Variants in BNC2 observed in about 807,000 individuals in gnomAD.
BNC2 encodes the protein basonuclin zinc finger protein 2.
Under a neutral mutation model 76.3 loss-of-function variants are expected in BNC2, and 20 were observed. That is an observed-to-expected ratio of 0.26 (90% confidence interval 0.18 to 0.38). BNC2 has a LOEUF of 0.38. Ranked by LOEUF, BNC2 falls within the 10% of genes least tolerant of loss-of-function variation. The pLI is 1.00. For missense variants in BNC2, 1,382 were observed against 1,399.8 expected (o/e 0.99, Z 0.20); for synonymous variants, 582 against 514.8 (o/e 1.13, Z -1.77).
At chr9:16,496,400 C>T in intron 5 of BNC2, among the ~76,000 whole-genome samples, 1 of 152,114 alleles carries the variant, frequency 6.6e-6, no homozygotes. Context: ...TTCTTTAGAA[C>T]TAGGATTGGA....
At chr9:16,779,060 C>T (rs1303014668) in intron 1 of BNC2, among the ~76,000 whole-genome samples, 1 of 142,096 alleles carries the variant, frequency 7.0e-6, no homozygotes, top group Non-Finnish European at 1.5e-5. Context: ...TGGTTGATTG[C>T]TTGCGGTCAG....
At position 16,796,585 on chromosome 9, in the gene BNC2, A is replaced by G. The variant is rs538008269; in HGVS notation, c.4-58100T>C. The stretch of plus-strand genomic sequence containing the variant: ...AGACTCCGTCTCAAAAAAAAAAGAA[A>G]GAAAAGGAAAGGAAGGGAAGGGAAG... On this transcript the variant is annotated intron_variant, in intron 1 of 6. Coordinates refer to ENST00000380672, the MANE Select transcript of BNC2 (RefSeq NM_017637.6). Among the ~76,000 whole-genome samples the G allele has an allele frequency of 6.9e-3, 1,054 of 151,702 alleles. 17 individuals are homozygous for G. The highest frequency in any genetic ancestry group is 0.024 in the African/African-American group (974 of 41,270).
At chr9:16,546,729 A>T (rs778849969) in intron 5 of BNC2, among the ~76,000 whole-genome samples, 3 of 152,218 alleles carry the variant, frequency 2.0e-5, no homozygotes, top group African/African-American at 4.8e-5. Context: ...CGAGATCTTA[A>T]GTTAGTCTGT....
chr9:16,606,774 T>C (rs1820398613), intron 3 of BNC2, among the ~76,000 whole-genome samples: 1 of 152,128 alleles, frequency 6.6e-6, no homozygotes, highest in South Asian at 2.1e-4. Flanking sequence ...GCCAGGCTGG[T>C]CTCAAACACC....
intron 4 of BNC2, chr9:16,575,159 C>T (rs957016579): frequency 9.1e-6 from 5 of 547,124 alleles, no homozygotes; most frequent in Non-Finnish European, 1.2e-5. Context: ...AGAGATTATA[C>T]AACTTGGCAA....
At chr9:16,678,267 C>CTTTTTCTTTTTTT (rs1822714767) in intron 3 of BNC2, among the ~76,000 whole-genome samples, 4 of 80,720 alleles carry the variant, frequency 5.0e-5, no homozygotes, top group African/African-American at 2.3e-4. Flanking sequence ...CTTTCTTTTT[C>CTTTTTCTTTTTTT]TTTTTTTTTT....
At chr9:16,482,022 T>G (rs1446643108) in intron 5 of BNC2, among the ~76,000 whole-genome samples, 1 of 152,206 alleles carries the variant, frequency 6.6e-6, no homozygotes, top group Non-Finnish European at 1.5e-5. Context: ...CAATAAATGT[T>G]AGCTACAAAC....
chr9:16,733,661 T>C (rs1411430), intron 2 of BNC2, among the ~76,000 whole-genome samples: 70,926 of 152,006 alleles, frequency 0.47, 20,127 homozygotes, highest in East Asian at 0.89. Context: ...GAGTAGCTTG[T>C]AAGATAAAGT....
chr9:16,547,803 G>A (rs1818533654), intron 5 of BNC2, among the ~76,000 whole-genome samples: 1 of 152,166 alleles, frequency 6.6e-6, no homozygotes, highest in Admixed American at 6.5e-5. Flanking sequence ...TTGAAGGGAA[G>A]AGGTTATGAA....
Position 16,619,151 on chromosome 9 carries a change from AG to A in BNC2, c.331-36067del, listed in dbSNP as rs777052683. Among the ~76,000 whole-genome samples the A allele has an allele frequency of 5.3e-5, 8 of 152,284 alleles. 1 individual carries two copies. Among genetic ancestry groups the A allele is most frequent in the African/African-American group, 1.2e-4 (5 of 41,560 alleles). On this transcript the variant is annotated intron_variant, in intron 3 of 6. Transcript: ENST00000380672. ...GAAAATTATAAAAATTCCAAGGAAG[AG>A]GTGACTCTGTTCAGGAGGAAAAGGG...
At chr9:16,823,647 A>T (rs1191677972) in intron 1 of BNC2, among the ~76,000 whole-genome samples, 1 of 152,110 alleles carries the variant, frequency 6.6e-6, no homozygotes, top group Admixed American at 6.6e-5. Context: ...AACTTAACAA[A>T]AACAATTTAA....
At chr9:16,753,930 C>T (rs1825298608) in intron 1 of BNC2, among the ~76,000 whole-genome samples, 1 of 152,154 alleles carries the variant, frequency 6.6e-6, no homozygotes, top group Non-Finnish European at 1.5e-5. Context: ...TTACTGAGCG[C>T]TGTGAAGCCT....
chr9:16,414,083 CCCA>C lies in BNC2; in HGVS notation c.*4903_*4905del, dbSNP rs1820533178. The C allele has an allele frequency of 6.6e-6, 1 of 152,206 alleles. No homozygotes were observed. Among genetic ancestry groups the C allele is most frequent in the Non-Finnish European group, 1.5e-5 (1 of 68,092 alleles). 9.4% of individuals were successfully genotyped at this position (152,206 alleles called of 1,614,324 possible). A position where few individuals can be genotyped will look rare whatever the true frequency, so the allele number is the denominator to read the frequency against. ...AAAACAAAGCAAAAGCAACCAAAAC[CCCA>C]CAATTGTCGGCTCTTCCTGACCCCA... On this transcript the variant is annotated 3_prime_UTR_variant, in exon 7 of 7. Transcript: ENST00000380672.
In BNC2 at chr9:16,417,933, A is replaced by C. The variant is rs1170892204; in HGVS notation, c.*1056T>G. On this transcript the variant is annotated 3_prime_UTR_variant, in exon 7 of 7. Coordinates refer to ENST00000380672, the MANE Select transcript of BNC2 (RefSeq NM_017637.6). ...AAAAGCGGTTTTCTGGTGGCCAACA[A>C]ATTGGCCTGTGGTTATGTTGAGTGA... 6.6e-6 allele frequency: 1 copy of C among 152,638 alleles called. No homozygotes were observed. 9.5% of individuals were successfully genotyped at this position (152,638 alleles called of 1,614,324 possible).
Position 16,710,266 on chromosome 9 carries a change from A to G in BNC2, c.330+17531T>C, listed in dbSNP as rs141263186. Among the ~76,000 whole-genome samples, 267 of 152,350 alleles carry G rather than the reference A, an allele frequency of 1.8e-3. 1 individual carries two copies. Among genetic ancestry groups the G allele is most frequent in the Middle Eastern group, 0.017 (5 of 294 alleles). ...AACACCTTACAGAGATACTCAAGAC[A>G]GAAAACAAACATTCTTTCAGTCTTA... On this transcript the variant is annotated intron_variant, in intron 3 of 6. Coordinates refer to ENST00000380672, the MANE Select transcript of BNC2 (RefSeq NM_017637.6).
Position 16,757,351 on chromosome 9 carries a change from A to G in BNC2, c.4-18866T>C, listed in dbSNP as rs962638852. On this transcript the variant is annotated intron_variant, in intron 1 of 6. Coordinates refer to ENST00000380672, the MANE Select transcript of BNC2 (RefSeq NM_017637.6). ...AACTAAATAGGAAACGATTATCTGAAGAATCAGAACTCCCCATCACCACTA... is the reference window on the plus strand; with the variant it reads ...AACTAAATAGGAAACGATTATCTGAGGAATCAGAACTCCCCATCACCACTA... 2.6e-5 allele frequency among the ~76,000 whole-genome samples: 4 copies of G among 152,230 alleles called. 1 individual carries two copies. The highest frequency in any genetic ancestry group is 5.9e-5 in the Non-Finnish European group (4 of 68,048).
intron 5 of BNC2, among the ~76,000 whole-genome samples, chr9:16,536,176 T>G (rs1222328912): frequency 6.6e-6 from 1 of 152,206 alleles, no homozygotes; most frequent in Admixed American, 6.5e-5. Context: ...TTCAGTGAAA[T>G]GAAACTCTTT....
intron 3 of BNC2, among the ~76,000 whole-genome samples, chr9:16,649,097 A>G (rs1821721884): frequency 6.6e-6 from 1 of 152,188 alleles, no homozygotes; most frequent in African/African-American, 2.4e-5. Context: ...CACTACTGGG[A>G]TATCAAATGA....
chr9:16,574,377 A>G (rs1819424762), intron 4 of BNC2, among the ~76,000 whole-genome samples: 1 of 152,204 alleles, frequency 6.6e-6, no homozygotes, highest in South Asian at 2.1e-4. Flanking sequence ...ACCTACTTAT[A>G]GCTTTTGGAT....
Sources: gnomAD v4.1 joint callset for allele counts (sites outside exome capture counted in the v4.1 genomes callset) on GRCh38, gnomAD v4.1.1 for gene constraint, MANE v1.5 for transcripts, NCBI Gene and HGNC (gene_info 2026-07-23, HGNC 2026-07-21) for gene names.